Variants in KMT2C observed in about 807,000 individuals in gnomAD.
The protein encoded by KMT2C is histone-lysine N-methyltransferase 2C.
Under a neutral mutation model 507.9 loss-of-function variants are expected in KMT2C, and 88 were observed. The ratio of observed to expected loss-of-function variants is 0.17; its 90% confidence interval spans 0.15 to 0.21. The LOEUF (loss-of-function observed/expected upper bound fraction) is 0.21, where lower values mean the gene tolerates loss of function less well. KMT2C is among the 10% of genes least tolerant of loss of function. The pLI is 1.00. For synonymous variants in KMT2C, 2,049 were observed against 2,080.8 expected (o/e 0.98, Z 0.42); for missense variants, 4,954 against 5,957.8 (o/e 0.83, Z 5.55).
At chr7:152,415,676 C>T (rs1466179963) in intron 1 of KMT2C, among the ~76,000 whole-genome samples, 1 of 152,038 alleles carries the variant, frequency 6.6e-6, no homozygotes, top group Non-Finnish European at 1.5e-5. Context: ...ATCAGGTGCT[C>T]GAGACCAGCC....
rs775026870 is a variant in KMT2C at position 152,178,020 on chromosome 7, A to T, written c.7443-10T>A. ...TCCTGGAAATCCAAATCTTTTAAAAAAAAAAAAAAAAAAAAAAAAAAAGCA... is the reference window on the plus strand; with the variant it reads ...TCCTGGAAATCCAAATCTTTTAAAATAAAAAAAAAAAAAAAAAAAAAAGCA... On this transcript the variant is annotated splice_polypyrimidine_tract_variant and intron_variant, in intron 37 of 58. Transcript: ENST00000262189. 192 of 1,325,358 alleles carry T rather than the reference A, an allele frequency of 1.4e-4. No individual in the cohort carries two copies. In the African/African-American group the frequency reaches 2.9e-3, roughly 20 times the overall value. The allele number at this position is 1,325,358 out of a possible 1,614,324, so 82.1% of individuals were successfully genotyped here. A position where few individuals can be genotyped will look rare whatever the true frequency, so the allele number is the denominator to read the frequency against.
At chr7:152,219,275 AT>A (rs1247467006) in intron 23 of KMT2C, among the ~76,000 whole-genome samples, 1 of 146,696 alleles carries the variant, frequency 6.8e-6, no homozygotes, top group Non-Finnish European at 1.5e-5. Context: ...TGGCCAGGCA[AT>A]TCTTATCAAA....
intron 1 of KMT2C, among the ~76,000 whole-genome samples, chr7:152,412,824 G>A (rs1297062230): frequency 1.3e-5 from 2 of 152,150 alleles, no homozygotes; most frequent in African/African-American, 2.4e-5. Flanking sequence ...TGAGGCCAAG[G>A]TCAAGAAATT....
At chr7:152,158,417 A>G (rs1376414815) in intron 44 of KMT2C, among the ~76,000 whole-genome samples, 2 of 152,232 alleles carry the variant, frequency 1.3e-5, no homozygotes, top group Admixed American at 6.5e-5. Context: ...TCAGATGCCA[A>G]TAGGATACGG....
intron 1 of KMT2C, among the ~76,000 whole-genome samples, chr7:152,432,074 TTAAGGTGG>T (rs1400698954): frequency 3.9e-5 from 6 of 152,190 alleles, no homozygotes; most frequent in Admixed American, 3.3e-4. Context: ...ACAATAATGC[TTAAGGTGG>T]CTCTCTAATA....
intron 1 of KMT2C, among the ~76,000 whole-genome samples, chr7:152,397,199 A>G (rs1438562071): frequency 6.6e-6 from 1 of 150,758 alleles, no homozygotes; most frequent in African/African-American, 2.4e-5. Flanking sequence ...TAACTTTCCA[A>G]GCTTTTTTTT....
intron 1 of KMT2C, among the ~76,000 whole-genome samples, chr7:152,409,438 C>T (rs1458615753): frequency 2.6e-5 from 4 of 151,966 alleles, no homozygotes; most frequent in Non-Finnish European, 5.9e-5. Context: ...GTTAAGTGGG[C>T]CAGGTGCAGT....
chr7:152,181,543 T>C lies in KMT2C; in HGVS notation c.6317A>G (p.Asn2106Ser), dbSNP rs146435048. 1.2e-6 allele frequency: 2 copies of C among 1,613,948 alleles called. No homozygotes were observed. Among genetic ancestry groups the C allele is most frequent in the African/African-American group, 2.7e-5 (2 of 74,908 alleles). Reference protein sequence around the residue: ...QPPLTPHPAVNESFAHPSRAF... With the variant: ...QPPLTPHPAVSESFAHPSRAF... ...CCTTGAAGGATGGGCAAAAGATTCA[T>C]TCACTGCTGGATGTGGGGTAAGGGG... is the stretch of plus-strand genomic sequence containing the variant. The change falls in exon 36 of 59, where the codon AAT becomes AGT. Residue 2106 changes from asparagine to serine, a missense_variant. Physicochemically the swap from Asn to Ser is conservative, Grantham distance 46. Coordinates refer to ENST00000262189, the MANE Select transcript of KMT2C (RefSeq NM_170606.3).
At chr7:152,384,069 C>T (rs2360211) in intron 1 of KMT2C, among the ~76,000 whole-genome samples, 1 of 145,304 alleles carries the variant, frequency 6.9e-6, no homozygotes, top group African/African-American at 2.7e-5. Flanking sequence ...TGTGTGTAGG[C>T]GCGTGTGCAT....
chr7:152,340,717 C>G (rs971906502), intron 2 of KMT2C, among the ~76,000 whole-genome samples: 1 of 152,142 alleles, frequency 6.6e-6, no homozygotes, highest in Non-Finnish European at 1.5e-5. Context: ...AGGTGACTTA[C>G]TCTCTTTATA....
At chr7:152,435,376 A>C (rs960425693) in intron 1 of KMT2C, among the ~76,000 whole-genome samples, 2 of 151,364 alleles carry the variant, frequency 1.3e-5, no homozygotes, top group African/African-American at 4.8e-5. Context: ...GCCCGACTGA[A>C]AAGTAAAGTG....
intron 9 of KMT2C, among the ~76,000 whole-genome samples, chr7:152,253,543 A>T (rs1302714004): frequency 6.8e-5 from 10 of 147,594 alleles, no homozygotes; most frequent in South Asian, 2.2e-4. Context: ...AAAAAAAAAA[A>T]TTTAATTAGC....
chr7:152,236,451 A>C (rs1204084573), intron 15 of KMT2C, among the ~76,000 whole-genome samples: 2 of 152,220 alleles, frequency 1.3e-5, no homozygotes, highest in African/African-American at 4.8e-5. Flanking sequence ...TGAGGAATAA[A>C]AAGGTTAAGT....
intron 24 of KMT2C, among the ~76,000 whole-genome samples, chr7:152,205,670 C>A (rs567979623): frequency 6.6e-6 from 1 of 151,562 alleles, no homozygotes; most frequent in African/African-American, 2.4e-5. Flanking sequence ...CAGACATCAC[C>A]GTAGTTATAA....
chr7:152,143,764 G>C (rs1474690290), intron 55 of KMT2C, among the ~76,000 whole-genome samples: 1 of 152,208 alleles, frequency 6.6e-6, no homozygotes, highest in Non-Finnish European at 1.5e-5. Flanking sequence ...TCAATAAAGA[G>C]AAGATCCTAC....
intron 23 of KMT2C, among the ~76,000 whole-genome samples, chr7:152,209,161 CAA>C (rs113423948): frequency 1.3e-4 from 8 of 60,372 alleles, no homozygotes; most frequent in Admixed American, 2.0e-4. Context: ...TTCCAACTCT[CAA>C]AAAAAAAAAA....
At chr7:152,163,956 TG>T in intron 42 of KMT2C, 130 bp from the exon 43 acceptor site, 1 of 778,194 alleles carries the variant, frequency 1.3e-6, no homozygotes, top group African/African-American at 1.7e-5. Context: ...ATATTTTGCT[TG>T]GGTAACTGCA....
rs1314390390 is a variant in KMT2C at position 152,181,167 on chromosome 7, C to G, written c.6693G>C (p.Glu2231Asp). 1.2e-6 allele frequency: 2 copies of G among 1,614,118 alleles called. No individual in the cohort carries two copies. Among genetic ancestry groups the G allele is most frequent in the Non-Finnish European group, 1.7e-6 (2 of 1,180,026 alleles). The change falls in exon 36 of 59, where the codon GAG becomes GAC. Residue 2231 changes from glutamate (E) to aspartate (D), a missense_variant. By Grantham distance (45) the Glu-to-Asp change is conservative (BLOSUM62 2). Around this residue, in one of 29 missense-constraint regions of KMT2C, gnomAD observed 1,689 missense variants for 1,654.3 expected, o/e 1.02. Coordinates refer to ENST00000262189, the MANE Select transcript of KMT2C (RefSeq NM_170606.3). Reference protein sequence around the residue: ...PPATPRPRISEGFTRSSMTRP... With the variant: ...PPATPRPRISDGFTRSSMTRP... ...TTGTCATTGAGGACCTAGTAAAACCCTCTGAAATCCTTGGCCTTGGTGTTG... is the reference window on the plus strand; with the variant it reads ...TTGTCATTGAGGACCTAGTAAAACCGTCTGAAATCCTTGGCCTTGGTGTTG...
In KMT2C at chr7:152,171,246, C is replaced by T. The variant is rs2092950605; in HGVS notation, c.9453+18G>A. The T allele has an allele frequency of 3.2e-6, 5 of 1,562,720 alleles. No homozygotes were observed. Among genetic ancestry groups the T allele is most frequent in the Non-Finnish European group, 3.5e-6 (4 of 1,143,286 alleles). ...GAAAAGCGTGCATTCTAGAGGGACTCATTACAGGCAGTGTTACCTGAGGAA... is the reference window on the plus strand; with the variant it reads ...GAAAAGCGTGCATTCTAGAGGGACTTATTACAGGCAGTGTTACCTGAGGAA... On this transcript the variant is annotated intron_variant, in intron 40 of 58. Coordinates refer to ENST00000262189, the MANE Select transcript of KMT2C (RefSeq NM_170606.3).
Sources: allele counts gnomAD v4.1 joint callset (sites outside exome capture counted in the v4.1 genomes callset), GRCh38; gene constraint gnomAD v4.1.1; regional missense constraint gnomAD v4.1.1; transcripts MANE v1.5; gene names NCBI Gene and HGNC (gene_info 2026-07-23, HGNC 2026-07-21).